CCNH: variants seen among roughly 807,000 people sequenced by gnomAD.
CCNH encodes the protein cyclin-H.
Under a neutral mutation model 41.9 loss-of-function variants are expected in CCNH, and 31 were observed. That is an observed-to-expected ratio of 0.74 (90% CI 0.56 to 1.00). CCNH has a LOEUF of 1.00. CCNH is among the 50% of genes least tolerant of loss of function. The pLI, the probability that CCNH is intolerant of heterozygous loss-of-function variation, is 0.00. For synonymous variants in CCNH, 138 were observed against 136.1 expected, an observed-to-expected ratio of 1.01 and a Z score of -0.10; for missense variants, 362 against 388.4, an observed-to-expected ratio of 0.93 and a Z score of 0.57.
At chr5:87,323,386 T>C (rs142985915) in intron 9 of CCNH, among the ~76,000 whole-genome samples, 199 of 152,226 alleles carry the variant, frequency 1.3e-3, no homozygotes, top group African/African-American at 4.4e-3. Context: ...AGTAGAAAAA[T>C]GGGCATATTG....
intron 9 of CCNH, chr5:87,331,307 T>G (rs777663943): frequency 1.5e-5 from 23 of 1,550,506 alleles, no homozygotes; most frequent in Non-Finnish European, 1.9e-5. Context: ...AATTCTGCAC[T>G]TGCTATTTAT....
intron 4 of CCNH, among the ~76,000 whole-genome samples, chr5:87,407,632 A>C (rs1763898480): frequency 6.6e-6 from 1 of 152,210 alleles, no homozygotes; most frequent in African/African-American, 2.4e-5. Context: ...TATAATTCAA[A>C]GTTAGAAGAG....
chr5:87,344,616 G>T (rs990979075), intron 9 of CCNH, among the ~76,000 whole-genome samples: 3 of 151,548 alleles, frequency 2.0e-5, no homozygotes, highest in Non-Finnish European at 4.4e-5. Context: ...TGATCTTCCT[G>T]CCTGAGCCTC....
chr5:87,360,352 G>T (rs548301549), intron 9 of CCNH, among the ~76,000 whole-genome samples: 87 of 152,148 alleles, frequency 5.7e-4, no homozygotes, highest in African/African-American at 1.9e-3. Context: ...GCGAACTCCT[G>T]ACTTCAGATG....
chr5:87,336,511 A>T (rs1580293733), intron 9 of CCNH, among the ~76,000 whole-genome samples: 2 of 152,274 alleles, frequency 1.3e-5, no homozygotes, highest in South Asian at 4.1e-4. Context: ...TAATGATTTA[A>T]TAAAGCACTT....
At chr5:87,377,758 C>T (rs1761422973), upstream of CCNH, among the ~76,000 whole-genome samples, 2 of 152,134 alleles carry the variant, frequency 1.3e-5, no homozygotes, top group South Asian at 4.1e-4. Context: ...CTCCCCCTGG[C>T]CCACACACAC....
At chr5:87,408,702 A>T (rs1171255018) in intron 3 of CCNH, among the ~76,000 whole-genome samples, 1 of 152,222 alleles carries the variant, frequency 6.6e-6, no homozygotes, top group Non-Finnish European at 1.5e-5. Context: ...GCTGTTCAGT[A>T]TGAGAAAACA....
Position 87,412,695 on chromosome 5 carries a change from C to T in CCNH, c.100G>A (p.Ala34Thr). 2 of 1,614,136 alleles carry T rather than the reference C, an allele frequency of 1.2e-6. No individual in the cohort carries two copies. The highest frequency in any genetic ancestry group is 1.7e-6 in the Non-Finnish European group (2 of 1,179,992). ...ADANRKFRCK[A>T]VANGKVLPND... The stretch of plus-strand genomic sequence containing the variant: ...AACCTCACCTTCCCGTTGGCCACGG[C>T]TTTGCATCTGAATTTGCGGTTGGCG... The change falls in exon 1 of 9, where the codon GCC (alanine) becomes ACC (threonine). Residue 34 changes from alanine to threonine, a missense_variant. Physicochemically the swap from Ala to Thr is moderately conservative, Grantham distance 58. Transcript: ENST00000256897.
downstream of CCNH, among the ~76,000 whole-genome samples, chr5:87,375,330 G>A (rs1461885135): frequency 6.6e-6 from 1 of 150,596 alleles, no homozygotes; most frequent in Non-Finnish European, 1.5e-5. Context: ...GTGTGATCTC[G>A]GCTCACTGCA....
chr5:87,396,662 G>A (rs1419460289), intron 7 of CCNH, among the ~76,000 whole-genome samples: 2 of 151,764 alleles, frequency 1.3e-5, no homozygotes, highest in African/African-American at 4.9e-5. Context: ...ATTGGGCAAA[G>A]GGGATAAATA....
At chr5:87,334,059 A>G (rs1349170756) in intron 9 of CCNH, among the ~76,000 whole-genome samples, 1 of 152,156 alleles carries the variant, frequency 6.6e-6, no homozygotes, top group African/African-American at 2.4e-5. Flanking sequence ...TTTGAGATCC[A>G]TTTAGAAGGT....
At chr5:87,361,845 A>T (rs369593947) in intron 9 of CCNH, among the ~76,000 whole-genome samples, 1 of 142,458 alleles carries the variant, frequency 7.0e-6, no homozygotes, top group Non-Finnish European at 1.5e-5. Flanking sequence ...AGTTTTATAC[A>T]TTTTTTTTTA....
chr5:87,349,142 T>C, intron 9 of CCNH: 2 of 1,548,722 alleles, frequency 1.3e-6, no homozygotes, highest in East Asian at 4.5e-5. Context: ...ATGCACTTTG[T>C]AATAATACTA....
chr5:87,333,212 G>A (rs1165553508), intron 9 of CCNH: 1 of 1,594,898 alleles, frequency 6.3e-7, no homozygotes, highest in East Asian at 2.3e-5. Context: ...TACCTCTTTT[G>A]ACTTTAAGAT....
downstream of CCNH, among the ~76,000 whole-genome samples, chr5:87,375,827 C>T (rs1761285914): frequency 1.3e-5 from 2 of 152,176 alleles, no homozygotes. Context: ...CTGAATATTT[C>T]TCTATAAAAT....
At chr5:87,367,150 C>G (rs1315780161) in intron 9 of CCNH, among the ~76,000 whole-genome samples, 1 of 152,032 alleles carries the variant, frequency 6.6e-6, no homozygotes, top group Non-Finnish European at 1.5e-5. Context: ...GTGAGAAAGA[C>G]TGAATGCCAA....
intron 9 of CCNH, among the ~76,000 whole-genome samples, chr5:87,382,899 T>C (rs1375063657): frequency 6.6e-6 from 1 of 151,286 alleles, no homozygotes; most frequent in Non-Finnish European, 1.5e-5. Flanking sequence ...CTGGGCACCG[T>C]AGCGAGACTC....
At chr5:87,340,075 A>T (rs550681512) in intron 9 of CCNH, among the ~76,000 whole-genome samples, 1 of 152,232 alleles carries the variant, frequency 6.6e-6, no homozygotes, top group South Asian at 2.1e-4. Context: ...CATTGCCTAG[A>T]ATAGTGTCTG....
At chr5:87,374,349 C>A, downstream of CCNH, 1 of 1,576,754 alleles carries the variant, frequency 6.3e-7, no homozygotes, top group South Asian at 1.1e-5. Flanking sequence ...TTACATTAAT[C>A]ATTTTCTTTT....
Sources: gnomAD v4.1 joint callset for allele counts (sites outside exome capture counted in the v4.1 genomes callset) on GRCh38, gnomAD v4.1.1 for gene constraint, MANE v1.5 for transcripts, NCBI Gene and HGNC (gene_info 2026-07-23, HGNC 2026-07-21) for gene names.